FHIT: variants seen among roughly 807,000 people sequenced by gnomAD.
FHIT encodes the protein bis(5'-adenosyl)-triphosphatase.
In FHIT, 19 loss-of-function variants were observed where a neutral mutation model predicts 17.9. The observed-to-expected ratio is 1.06, with a 90% CI of 0.74 to 1.56. FHIT has a LOEUF of 1.56. Ranked by LOEUF, FHIT falls within the 40% of genes most tolerant of loss-of-function variation. The probability of loss-of-function intolerance (pLI) is 0.00; values close to 1 mark genes in which losing one functional copy is unlikely to be tolerated. For synonymous variants in FHIT, 81 were observed against 69.7 expected, an observed-to-expected ratio of 1.16 and a Z score of -0.81; for missense variants, 248 against 189.2, an observed-to-expected ratio of 1.31 and a Z score of -1.82.
chr3:60,052,927 A>C (rs986106381), intron 5 of FHIT, among the ~76,000 whole-genome samples: 11 of 151,946 alleles, frequency 7.2e-5, no homozygotes, highest in Non-Finnish European at 1.3e-4. Context: ...TATGGCAGTT[A>C]AACCTGCCAG....
chr3:60,927,242 C>T (rs2107344769), intron 3 of FHIT, among the ~76,000 whole-genome samples: 1 of 152,330 alleles, frequency 6.6e-6, no homozygotes, highest in African/African-American at 2.4e-5. Context: ...CTCCAGTGAT[C>T]TGCCCGCCTC....
At chr3:60,208,617 T>C (rs950398071) in intron 5 of FHIT, among the ~76,000 whole-genome samples, 1 of 152,240 alleles carries the variant, frequency 6.6e-6, no homozygotes, top group Non-Finnish European at 1.5e-5. Context: ...ATATGTATTT[T>C]CAGTATTTGC....
chr3:60,422,194 C>T (rs990902691), intron 5 of FHIT, among the ~76,000 whole-genome samples: 1 of 152,086 alleles, frequency 6.6e-6, no homozygotes, highest in African/African-American at 2.4e-5. Context: ...TTTGCTTTAT[C>T]GTATGTCCCA....
chr3:60,572,561 C>T (rs759802987), intron 4 of FHIT, among the ~76,000 whole-genome samples: 2 of 152,156 alleles, frequency 1.3e-5, no homozygotes, highest in African/African-American at 2.4e-5. Context: ...CACACACACA[C>T]TCTATCTACA....
intron 8 of FHIT, among the ~76,000 whole-genome samples, chr3:59,880,878 A>C (rs2106951715): frequency 6.6e-6 from 1 of 152,292 alleles, no homozygotes. Flanking sequence ...CTAATTCCAT[A>C]TTCTCAGACT....
intron 2 of FHIT, among the ~76,000 whole-genome samples, chr3:61,065,542 A>G (rs1248572928): frequency 6.6e-6 from 1 of 152,164 alleles, no homozygotes; most frequent in African/African-American, 2.4e-5. Context: ...ACTGAATCCA[A>G]GTTGCTGGAC....
chr3:59,991,305 G>A (rs758378443), intron 7 of FHIT, among the ~76,000 whole-genome samples: 1 of 151,928 alleles, frequency 6.6e-6, no homozygotes, highest in Non-Finnish European at 1.5e-5. Context: ...GTGATATTTT[G>A]GTATTTAGAA....
At chr3:60,275,655 C>G (rs1271425301) in intron 5 of FHIT, among the ~76,000 whole-genome samples, 1 of 152,000 alleles carries the variant, frequency 6.6e-6, no homozygotes, top group African/African-American at 2.4e-5. Context: ...ACACCTGTGA[C>G]CAGCACAGTG....
chr3:60,350,709 G>C (rs1345399304), intron 5 of FHIT, among the ~76,000 whole-genome samples: 1 of 151,344 alleles, frequency 6.6e-6, no homozygotes, highest in Non-Finnish European at 1.5e-5. Flanking sequence ...TTTCTTTTTT[G>C]GTCTAAGATA....
chr3:60,472,272 A>T (rs4638920), intron 5 of FHIT, among the ~76,000 whole-genome samples: 66,918 of 151,950 alleles, frequency 0.44, 16,241 homozygotes, highest in African/African-American at 0.63. Context: ...CCCATTTATT[A>T]CTTCGAACTG....
intron 4 of FHIT, among the ~76,000 whole-genome samples, chr3:60,728,985 T>C (rs1288247716): frequency 6.6e-6 from 1 of 152,168 alleles, no homozygotes; most frequent in Non-Finnish European, 1.5e-5. Flanking sequence ...AATTTTAAAC[T>C]CATTATCAGA....
At chr3:60,117,024 C>T (rs751310235) in intron 5 of FHIT, among the ~76,000 whole-genome samples, 1 of 152,030 alleles carries the variant, frequency 6.6e-6, no homozygotes, top group African/African-American at 2.4e-5. Flanking sequence ...TAGGGAGATC[C>T]ACTCTGTCCC....
chr3:60,497,225 T>C (rs1350717133), intron 5 of FHIT, among the ~76,000 whole-genome samples: 1 of 151,874 alleles, frequency 6.6e-6, no homozygotes. Flanking sequence ...AAAATGGCAA[T>C]GGTTACAAGG....
chr3:61,077,813 T>C (rs1202591603), intron 2 of FHIT, among the ~76,000 whole-genome samples: 1 of 152,166 alleles, frequency 6.6e-6, no homozygotes, highest in Non-Finnish European at 1.5e-5. Flanking sequence ...ACTATCTTTG[T>C]TGATTCCTAG....
chr3:60,458,192 A>G (rs2032233020), intron 5 of FHIT, among the ~76,000 whole-genome samples: 1 of 152,200 alleles, frequency 6.6e-6, no homozygotes, highest in African/African-American at 2.4e-5. Flanking sequence ...CCAAATGTCC[A>G]TCAATGATAG....
intron 2 of FHIT, among the ~76,000 whole-genome samples, chr3:61,059,609 T>C (rs990226965): frequency 2.0e-4 from 30 of 152,176 alleles, no homozygotes; most frequent in African/African-American, 7.2e-4. Context: ...CTTAAGTGTT[T>C]CAAGGAAACT....
chr3:61,216,536 A>C (rs949459095), intron 1 of FHIT, among the ~76,000 whole-genome samples: 2 of 152,168 alleles, frequency 1.3e-5, no homozygotes, highest in African/African-American at 4.8e-5. Flanking sequence ...ACACTTTTAC[A>C]CTGTTGGTGG....
At chr3:60,939,179 C>T (rs2107405146) in intron 3 of FHIT, among the ~76,000 whole-genome samples, 1 of 152,274 alleles carries the variant, frequency 6.6e-6, no homozygotes, top group Middle Eastern at 3.4e-3. Context: ...AACTAGGGCT[C>T]ATATACAGTT....
chr3:60,914,249 T>C (rs1289872410), intron 3 of FHIT, among the ~76,000 whole-genome samples: 1 of 152,222 alleles, frequency 6.6e-6, no homozygotes, highest in Non-Finnish European at 1.5e-5. Flanking sequence ...ATCAAGGAGC[T>C]TGTTATAATA....
Sources: allele counts gnomAD v4.1 joint callset (sites outside exome capture counted in the v4.1 genomes callset), GRCh38; gene constraint gnomAD v4.1.1; transcripts MANE v1.5; gene names NCBI Gene and HGNC (gene_info 2026-07-23, HGNC 2026-07-21).